The following COL21A1 variants were observed in gnomAD, a reference collection of about 807,000 sequenced individuals.
The protein encoded by COL21A1 is collagen alpha-1(XXI) chain.
In COL21A1, 149 loss-of-function variants were observed where a neutral mutation model predicts 137.9. That is an observed-to-expected ratio of 1.08 (90% CI 0.95 to 1.24). The LOEUF (loss-of-function observed/expected upper bound fraction) is 1.24. Among genes scored for constraint, COL21A1 ranks in the 50% most tolerant of loss-of-function variants. The pLI is 0.00. For missense variants in COL21A1, 1,167 were observed against 1,158.4 expected (o/e 1.01, Z -0.11); for synonymous variants, 456 against 391.5 (o/e 1.16, Z -1.95).
chr6:56,318,417 C>T (rs994313160), intron 1 of COL21A1, among the ~76,000 whole-genome samples: 2 of 152,092 alleles, frequency 1.3e-5, no homozygotes, highest in African/African-American at 4.8e-5. Flanking sequence ...CTCCCCCATT[C>T]CCCTAAATCC....
chr6:56,112,068 C>T (rs527550685), intron 16 of COL21A1, among the ~76,000 whole-genome samples: 26 of 151,384 alleles, frequency 1.7e-4, no homozygotes, highest in African/African-American at 5.6e-4. Context: ...ATTAAGACTG[C>T]GTTGTTGAGG....
At chr6:56,369,779 A>T (rs910569530) in intron 1 of COL21A1, among the ~76,000 whole-genome samples, 4 of 152,304 alleles carry the variant, frequency 2.6e-5, no homozygotes, top group Non-Finnish European at 4.4e-5. Flanking sequence ...AAAATTGCTC[A>T]ACCTCAATGA....
intron 1 of COL21A1, among the ~76,000 whole-genome samples, chr6:56,336,344 G>A (rs763660637): frequency 1.1e-4 from 17 of 152,156 alleles, no homozygotes; most frequent in Non-Finnish European, 2.2e-4. Flanking sequence ...CATACCTAGG[G>A]CAGTTAAGTA....
chr6:56,343,842 G>C (rs1255989493), intron 1 of COL21A1, among the ~76,000 whole-genome samples: 2 of 152,230 alleles, frequency 1.3e-5, no homozygotes, highest in South Asian at 2.1e-4. Context: ...ACTCGATGGT[G>C]GGGGAGCTGA....
intron 21 of COL21A1, among the ~76,000 whole-genome samples, chr6:56,069,452 A>T (rs1237972642): frequency 1.3e-5 from 2 of 151,180 alleles, no homozygotes; most frequent in Non-Finnish European, 3.0e-5. Flanking sequence ...TTTTTTGTTT[A>T]CCTATTTACT....
At chr6:56,235,862 T>A (rs984500624) in intron 1 of COL21A1, among the ~76,000 whole-genome samples, 1 of 151,996 alleles carries the variant, frequency 6.6e-6, no homozygotes, top group Non-Finnish European at 1.5e-5. Flanking sequence ...AAGAGACCAC[T>A]GCAACAAGGC....
chr6:56,373,692 G>T (rs904943674), intron 1 of COL21A1, among the ~76,000 whole-genome samples: 2 of 152,150 alleles, frequency 1.3e-5, no homozygotes, highest in Admixed American at 1.3e-4. Flanking sequence ...ATACATAGTG[G>T]AATGACTAAA....
chr6:56,081,026 G>C (rs752552425), intron 17 of COL21A1, among the ~76,000 whole-genome samples: 23 of 151,712 alleles, frequency 1.5e-4, no homozygotes, highest in Non-Finnish European at 2.1e-4. Flanking sequence ...AGTTTTCTTT[G>C]TCGGGAAAAT....
chr6:56,160,224 A>G (rs1776091556), intron 9 of COL21A1, among the ~76,000 whole-genome samples: 1 of 152,258 alleles, frequency 6.6e-6, no homozygotes, highest in African/African-American at 2.4e-5. Context: ...CTCAACCTTT[A>G]TTGACTGTTA....
At chr6:56,389,273 T>C (rs954478948) in intron 1 of COL21A1, among the ~76,000 whole-genome samples, 1 of 151,914 alleles carries the variant, frequency 6.6e-6, no homozygotes, top group African/African-American at 2.4e-5. Context: ...GAGACAGAAT[T>C]ACTTGAACGT....
chr6:56,116,104 T>C (rs1468194985), intron 16 of COL21A1, among the ~76,000 whole-genome samples: 1 of 151,984 alleles, frequency 6.6e-6, no homozygotes, highest in Non-Finnish European at 1.5e-5. Context: ...GTAGAAACTT[T>C]ATTCAAAGGG....
At chr6:56,060,719 A>G in intron 27 of COL21A1, 22 bp downstream of exon 27, 1 of 1,573,296 alleles carries the variant, frequency 6.4e-7, no homozygotes, top group African/African-American at 1.4e-5. Context: ...AAAGTTATTA[A>G]AATGCTATAT....
At chr6:56,066,977 A>ATGTGTG (rs1194811264) in intron 23 of COL21A1, among the ~76,000 whole-genome samples, 35 of 146,606 alleles carry the variant, frequency 2.4e-4, no homozygotes, top group African/African-American at 5.7e-4. Flanking sequence ...ATATATATAT[A>ATGTGTG]TGTGTGTGTG....
intron 19 of COL21A1, 83 bp downstream of exon 19, chr6:56,075,396 A>G (rs1271472984): frequency 4.7e-6 from 5 of 1,069,090 alleles, no homozygotes; most frequent in Non-Finnish European, 6.7e-6. Context: ...CTACATTTTT[A>G]TGAACTCTCG....
At chr6:56,234,931 C>A (rs1186264035) in intron 1 of COL21A1, among the ~76,000 whole-genome samples, 1 of 151,772 alleles carries the variant, frequency 6.6e-6, no homozygotes, top group Admixed American at 6.6e-5. Flanking sequence ...TCTTCCCCTG[C>A]TCCAGTGATT....
At chr6:56,213,835 A>G (rs1021417672) in intron 1 of COL21A1, among the ~76,000 whole-genome samples, 1 of 152,090 alleles carries the variant, frequency 6.6e-6, no homozygotes, top group African/African-American at 2.4e-5. Flanking sequence ...AAAATGAAGA[A>G]TGTCACAGCT....
intron 10 of COL21A1, among the ~76,000 whole-genome samples, chr6:56,150,233 G>A (rs187127860): frequency 2.6e-5 from 4 of 152,238 alleles, no homozygotes; most frequent in Admixed American, 2.6e-4. Context: ...AGAGTTGGGG[G>A]AACTGGCTGG....
chr6:56,282,513 G>T (rs565101121), intron 1 of COL21A1, among the ~76,000 whole-genome samples: 2 of 152,306 alleles, frequency 1.3e-5, no homozygotes, highest in South Asian at 4.1e-4. Flanking sequence ...AGGCCTGGAT[G>T]CCAGATACAC....
intron 1 of COL21A1, among the ~76,000 whole-genome samples, chr6:56,351,337 G>A (rs931266121): frequency 3.3e-5 from 5 of 152,194 alleles, no homozygotes; most frequent in Admixed American, 1.3e-4. Context: ...AAAAGAGTAC[G>A]GGGAGGGGGA....
Sources: gnomAD v4.1 joint callset for allele counts (sites outside exome capture counted in the v4.1 genomes callset) on GRCh38, gnomAD v4.1.1 for gene constraint, MANE v1.5 for transcripts, NCBI Gene and HGNC (gene_info 2026-07-23, HGNC 2026-07-21) for gene names.